The following BORCS6 variants were observed in gnomAD, a reference collection of about 807,000 sequenced individuals.
BORCS6 encodes the protein BLOC-1-related complex subunit 6.
BORCS6 carries 12 observed loss-of-function variants against 17.0 expected under a neutral mutation model. The observed-to-expected ratio is 0.71, with a 90% CI of 0.45 to 1.15. BORCS6 has a LOEUF of 1.15. Among genes scored for constraint, BORCS6 ranks in the 50% most tolerant of loss-of-function variants. The probability of loss-of-function intolerance (pLI) is 0.00; values close to 1 mark genes in which losing one functional copy is unlikely to be tolerated. For synonymous variants in BORCS6, 262 were observed against 241.7 expected (o/e 1.08, Z -0.78); for missense variants, 513 against 515.0 (o/e 1.00, Z 0.04).
rs777445376 is a variant in BORCS6, at chr17:8,189,252, T to C, written c.889A>G (p.Ile297Val). The C allele has an allele frequency of 1.9e-6, 3 of 1,613,824 alleles. No homozygotes were observed. Among genetic ancestry groups the C allele is most frequent in the East Asian group, 2.2e-5 (1 of 44,882 alleles). Residue 297 changes from isoleucine to valine, a missense_variant, in exon 1 of 1, where the codon ATC becomes GTC. Physicochemically the swap from Ile to Val is conservative, Grantham distance 29. Transcript: ENST00000389017. The surrounding 1 kb of genome is among the most constrained non-coding windows in gnomAD (Gnocchi z 7.8). ...QELTALSVGC[I>V]QTYRDAVDSL... ...TCCACAGCATCGCGGTAGGTCTGGA[T>C]GCAACCCACGCTCAGCGCCGTCAGC...
At position 8,189,979 on chromosome 17, in the gene BORCS6, C is replaced by T. The variant is rs1360634411; in HGVS notation, c.162G>A (p.Ala54=). 9.0e-6 allele frequency: 14 copies of T among 1,549,794 alleles called. No homozygotes were observed. Among genetic ancestry groups the T allele is most frequent in the Non-Finnish European group, 1.2e-5 (14 of 1,146,802 alleles). ...TCGGGGACGTCCTGGGGTGGCGGTT[C>T]GCGCCCCCAACGTTCTCGGTCTCTT... ...GEEETENVGG[A]NRHPRTSPKT... Residue 54 remains alanine (A), a synonymous_variant, in exon 1 of 1, where the codon GCG becomes GCA. Coordinates refer to ENST00000389017, the MANE Select transcript of BORCS6 (RefSeq NM_017622.3). This position sits in a 1 kb window ranked among gnomAD's most constrained non-coding sequence, Gnocchi z 7.8.
Position 8,189,940 on chromosome 17 carries a change from G to A in BORCS6, c.201C>T (p.Cys67=). 6.5e-7 allele frequency: 1 copy of A among 1,549,150 alleles called. No homozygotes were observed. Among genetic ancestry groups the A allele is most frequent in the Non-Finnish European group, 8.7e-7 (1 of 1,146,748 alleles). Residue 67 remains cysteine (C), a synonymous_variant, in exon 1 of 1, where the codon TGC becomes TGT. Coordinates refer to ENST00000389017, the MANE Select transcript of BORCS6 (RefSeq NM_017622.3). The surrounding 1 kb of genome is among the most constrained non-coding windows in gnomAD (Gnocchi z 7.8). ...HPRTSPKTSS[C]GVVHRPEREA... is the part of the protein sequence containing the mutation. ...CCCGTTCCGGCCGGTGGACGACGCCGCAGCTTGACGTCTTCGGGGACGTCC... is the reference window on the plus strand; with the variant it reads ...CCCGTTCCGGCCGGTGGACGACGCCACAGCTTGACGTCTTCGGGGACGTCC...
Position 8,189,787 on chromosome 17 carries a change from G to C in BORCS6, c.354C>G (p.Gly118=). 1 of 1,598,008 alleles carries C rather than the reference G, an allele frequency of 6.3e-7. No individual in the cohort carries two copies. The highest frequency in any genetic ancestry group is 8.5e-7 in the Non-Finnish European group (1 of 1,177,706). The change falls in exon 1 of 1, where the codon GGC becomes GGG. Residue 118 remains glycine (G), a synonymous_variant. Transcript: ENST00000389017. The surrounding 1 kb of genome is among the most constrained non-coding windows in gnomAD (Gnocchi z 7.8). The part of the protein sequence containing the change: ...SRHKNPAPPE[G]KPSSGRDCRR... ...GGCAGTCCCTCCCGGAGGAGGGCTT[G>C]CCCTCGGGCGGCGCCGGGTTCTTGT...
In BORCS6 at chr17:8,189,085, C is replaced by G; in HGVS notation, c.1056G>C (p.Leu352Phe). ...CTCCTGGTCACTTGCACAGGGCCTC[C>G]AACACCTCCAGAGTACGTCGGATAT... The part of the protein sequence containing the change: ...VRDIRRTLEV[L>F]EALCK The change falls in exon 1 of 1, where the codon TTG (leucine) becomes TTC (phenylalanine). Residue 352 changes from leucine to phenylalanine, a missense_variant. Leu to Phe is a conservative substitution (Grantham distance 22). Coordinates refer to ENST00000389017, the MANE Select transcript of BORCS6 (RefSeq NM_017622.3). This position sits in a 1 kb window ranked among gnomAD's most constrained non-coding sequence, Gnocchi z 7.8. 6.2e-7 allele frequency: 1 copy of G among 1,614,124 alleles called. No homozygotes were observed. Among genetic ancestry groups the G allele is most frequent in the Non-Finnish European group, 8.5e-7 (1 of 1,180,028 alleles).
Position 8,188,938 on chromosome 17 carries a change from C to A in BORCS6, c.*129G>T. 2 of 1,392,134 alleles carry A rather than the reference C, an allele frequency of 1.4e-6. No homozygotes were observed. The highest frequency in any genetic ancestry group is 1.3e-5 in the South Asian group (1 of 77,490). The allele number at this position is 1,392,134 out of a possible 1,614,324, so 86.2% of individuals were successfully genotyped here. ...AGCGAGTGGGCACGGGCCAGCTGAACGCATCTGGAAGAGCCTCCAACACAC... is the reference window on the plus strand; with the variant it reads ...AGCGAGTGGGCACGGGCCAGCTGAAAGCATCTGGAAGAGCCTCCAACACAC... On this transcript the variant is annotated 3_prime_UTR_variant, in exon 1 of 1. Transcript: ENST00000389017.
In BORCS6 at chr17:8,189,604, G is replaced by T. The variant is rs961464866; in HGVS notation, c.537C>A (p.Ala179=). 9.4e-6 allele frequency: 15 copies of T among 1,596,854 alleles called. 1 individual carries two copies. The highest frequency in any genetic ancestry group is 1.2e-5 in the Non-Finnish European group (14 of 1,176,202). ...CGGACTCGGCACTCCCTGAGGACCC[G>T]GCGCCACCGCACGCCTCGCTCAGCC... The part of the protein sequence containing the change: ...LDGLSEACGG[A]GSSGSAESGA... Residue 179 remains alanine, a synonymous_variant, in exon 1 of 1, where the codon GCC becomes GCA. Coordinates refer to ENST00000389017, the MANE Select transcript of BORCS6 (RefSeq NM_017622.3). The surrounding 1 kb of genome is among the most constrained non-coding windows in gnomAD (Gnocchi z 7.8).
Position 8,189,259 on chromosome 17 carries a change from C to T in BORCS6, c.882G>A (p.Val294=), listed in dbSNP as rs770996744. 11 of 1,613,840 alleles carry T rather than the reference C, an allele frequency of 6.8e-6. No individual in the cohort carries two copies. The highest frequency in any genetic ancestry group is 9.3e-6 in the Non-Finnish European group (11 of 1,179,996). The change falls in exon 1 of 1, where the codon GTG becomes GTA. Residue 294 remains valine, a synonymous_variant. Coordinates refer to ENST00000389017, the MANE Select transcript of BORCS6 (RefSeq NM_017622.3). The surrounding 1 kb of genome is among the most constrained non-coding windows in gnomAD (Gnocchi z 7.8). The part of the protein sequence containing the change: ...GAVQELTALS[V]GCIQTYRDAV... ...CATCGCGGTAGGTCTGGATGCAACC[C>T]ACGCTCAGCGCCGTCAGCTCCTGCA...
rs182319629 is a variant in BORCS6 at position 8,188,519 on chromosome 17, G to C, written c.*548C>G. ...AACCCATTCCTCCTAGCTGCACGCCGGTTCTGGCTGGGGAAGTGGTATGGT... is the reference window on the plus strand; with the variant it reads ...AACCCATTCCTCCTAGCTGCACGCCCGTTCTGGCTGGGGAAGTGGTATGGT... On this transcript the variant is annotated 3_prime_UTR_variant, in exon 1 of 1. Transcript: ENST00000389017. The C allele has an allele frequency of 3.4e-4, 57 of 166,046 alleles. 1 individual carries two copies. Among genetic ancestry groups the C allele is most frequent in the Admixed American group, 2.1e-3 (34 of 16,386 alleles). 10.3% of individuals were successfully genotyped at this position (166,046 alleles called of 1,614,324 possible).
At position 8,189,520 on chromosome 17, in the gene BORCS6, C is replaced by T. The variant is rs1225278326; in HGVS notation, c.621G>A (p.Val207=). The change falls in exon 1 of 1, where the codon GTG becomes GTA. Residue 207 remains valine (V), a synonymous_variant. Transcript: ENST00000389017. The surrounding 1 kb of genome is among the most constrained non-coding windows in gnomAD (Gnocchi z 7.8). ...AGTGGGTAAGGTCGCCGTGGCGGCTCACTGTGCCTTCGAGCTCCAGGGGAC... is the reference window on the plus strand; with the variant it reads ...AGTGGGTAAGGTCGCCGTGGCGGCTTACTGTGCCTTCGAGCTCCAGGGGAC... ...ISSPLELEGT[V]SRHGDLTHFV... 15 of 1,575,710 alleles carry T rather than the reference C, an allele frequency of 9.5e-6. No homozygotes were observed. The highest frequency in any genetic ancestry group is 3.9e-5 in the Admixed American group (2 of 51,702).
Position 8,189,422 on chromosome 17 carries a change from CGCGCAGGG to C in BORCS6, c.711_718del (p.Pro238AlafsTer69). The C allele has an allele frequency of 6.4e-7, 1 of 1,570,328 alleles. No homozygotes were observed. The highest frequency in any genetic ancestry group is 8.6e-7 in the Non-Finnish European group (1 of 1,158,184). On this transcript the variant is annotated frameshift_variant, in exon 1 of 1. Transcript: ENST00000389017. LOFTEE classifies it high-confidence loss of function. This position sits in a 1 kb window ranked among gnomAD's most constrained non-coding sequence, Gnocchi z 7.8. ...TGTGGGTGCAGGCGCTGGGCAGGGC[CGCGCAGGG>C]GCAGAAGGCGGGGGTGGAGGCGCGC...
In BORCS6 at chr17:8,188,807, GGAA is replaced by G. The variant is rs1984559327; in HGVS notation, c.*257_*259del. The G allele has an allele frequency of 1.8e-6, 1 of 550,198 alleles. No individual in the cohort carries two copies. The highest frequency in any genetic ancestry group is 3.2e-5 in the East Asian group (1 of 31,318). 34.1% of individuals were successfully genotyped at this position (550,198 alleles called of 1,614,324 possible). The stretch of plus-strand genomic sequence containing the variant: ...GTGCTCTAGCTAGGGAGGAGAGTTG[GGAA>G]GAACAGGGTAGCTACAGATGGCCAA... On this transcript the variant is annotated 3_prime_UTR_variant, in exon 1 of 1. Coordinates refer to ENST00000389017, the MANE Select transcript of BORCS6 (RefSeq NM_017622.3).
chr17:8,189,815 C>A lies in BORCS6; in HGVS notation c.326G>T (p.Arg109Leu). 1 of 1,583,636 alleles carries A rather than the reference C, an allele frequency of 6.3e-7. No homozygotes were observed. The stretch of plus-strand genomic sequence containing the variant: ...CTCGGGCGGCGCCGGGTTCTTGTGC[C>A]GGGAGGACAGGGAAGGTTCGTGCTC... ...GAEHEPSLSSRHKNPAPPEGK... is the reference protein window; with the variant it reads ...GAEHEPSLSSLHKNPAPPEGK... Residue 109 changes from arginine to leucine, a missense_variant, in exon 1 of 1, where the codon CGG becomes CTG. Transcript: ENST00000389017. The surrounding 1 kb of genome is among the most constrained non-coding windows in gnomAD (Gnocchi z 7.8).
In BORCS6 at chr17:8,188,943, C is replaced by G; in HGVS notation, c.*124G>C. 1 of 1,446,862 alleles carries G rather than the reference C, an allele frequency of 6.9e-7. No homozygotes were observed. Among genetic ancestry groups the G allele is most frequent in the Non-Finnish European group, 9.4e-7 (1 of 1,067,882 alleles). The allele number at this position is 1,446,862 out of a possible 1,614,324, so 89.6% of individuals were successfully genotyped here. A position where few individuals can be genotyped will look rare whatever the true frequency, so the allele number is the denominator to read the frequency against. On this transcript the variant is annotated 3_prime_UTR_variant, in exon 1 of 1. Transcript: ENST00000389017. Reference sequence around the variant, plus strand: ...GTGGGCACGGGCCAGCTGAACGCATCTGGAAGAGCCTCCAACACACAGGCC... The same window carrying G: ...GTGGGCACGGGCCAGCTGAACGCATGTGGAAGAGCCTCCAACACACAGGCC...
Position 8,189,756 on chromosome 17 carries a change from C to G in BORCS6, c.385G>C (p.Gly129Arg), listed in dbSNP as rs767230907. The G allele has an allele frequency of 1.2e-6, 2 of 1,600,028 alleles. No homozygotes were observed. The highest frequency in any genetic ancestry group is 1.7e-6 in the Non-Finnish European group (2 of 1,179,544). Residue 129 changes from glycine (G) to arginine (R), a missense_variant, in exon 1 of 1, where the codon GGG becomes CGG. Gly to Arg is a moderately radical substitution (Grantham distance 125). Coordinates refer to ENST00000389017, the MANE Select transcript of BORCS6 (RefSeq NM_017622.3). The surrounding 1 kb of genome is among the most constrained non-coding windows in gnomAD (Gnocchi z 7.8). ...KPSSGRDCRR[G>R]GPGGGMDVEQ... ...ACATCCATCCCGCCGCCTGGTCCCC[C>G]TCGACGGCAGTCCCTCCCGGAGGAG...
rs1422132608 is a variant in BORCS6, at chr17:8,189,642, G to A, written c.499C>T (p.Arg167Cys). 1 of 1,599,088 alleles carries A rather than the reference G, an allele frequency of 6.3e-7. No homozygotes were observed. Among genetic ancestry groups the A allele is most frequent in the Non-Finnish European group, 8.5e-7 (1 of 1,179,226 alleles). Residue 167 changes from arginine (R) to cysteine (C), a missense_variant, in exon 1 of 1, where the codon CGC (arginine) becomes TGC (cysteine). Physicochemically the swap from Arg to Cys is radical, Grantham distance 180. Coordinates refer to ENST00000389017, the MANE Select transcript of BORCS6 (RefSeq NM_017622.3). The surrounding 1 kb of genome is among the most constrained non-coding windows in gnomAD (Gnocchi z 7.8). ...GCCTCGCTCAGCCCGTCCAGGCTGC[G>A]GCTGTCCTGAAGACGGCTGGAGAAC... ...RSFSSRLQDS[R>C]SLDGLSEACG... is the part of the protein sequence containing the mutation.
In BORCS6 at chr17:8,189,389, G is replaced by A. The variant is rs1298068573; in HGVS notation, c.752C>T (p.Pro251Leu). 6.3e-7 allele frequency: 1 copy of A among 1,589,058 alleles called. No individual in the cohort carries two copies. The highest frequency in any genetic ancestry group is 2.3e-5 in the East Asian group (1 of 43,600). The part of the protein sequence containing the change: ...PCPAPAPTPT[P>L]AIPPIDPEVL... ...CTCGGGGTCGATTGGGGGAATGGCC[G>A]GTGTGGGTGTGGGTGCAGGCGCTGG... The change falls in exon 1 of 1, where the codon CCG becomes CTG. Residue 251 changes from proline (P) to leucine (L), a missense_variant. Pro to Leu is a moderately conservative substitution (Grantham distance 98). Coordinates refer to ENST00000389017, the MANE Select transcript of BORCS6 (RefSeq NM_017622.3). The surrounding 1 kb of genome is among the most constrained non-coding windows in gnomAD (Gnocchi z 7.8).
At position 8,189,684 on chromosome 17, in the gene BORCS6, T is replaced by C; in HGVS notation, c.457A>G (p.Ser153Gly). 2 of 1,598,570 alleles carry C rather than the reference T, an allele frequency of 1.3e-6. No individual in the cohort carries two copies. The highest frequency in any genetic ancestry group is 1.1e-5 in the South Asian group (1 of 91,076). Residue 153 changes from serine to glycine, a missense_variant, in exon 1 of 1, where the codon AGC becomes GGC. Transcript: ENST00000389017. This position sits in a 1 kb window ranked among gnomAD's most constrained non-coding sequence, Gnocchi z 7.8. ...EDNDEEAAAG[S>G]RAGRSFSSRL... is the part of the protein sequence containing the mutation. ...CTGGAGAACGAGCGGCCGGCTCTGC[T>C]GCCCGCGGCCGCCTCCTCGTCGTTG... is the stretch of plus-strand genomic sequence containing the variant.
In BORCS6 at chr17:8,189,628, C is replaced by A. The variant is rs764588324; in HGVS notation, c.513G>T (p.Gly171=). ...SRLQDSRSLD[G]LSEACGGAGS... ...CGGCGCCACCGCACGCCTCGCTCAG[C>A]CCGTCCAGGCTGCGGCTGTCCTGAA... Residue 171 remains glycine, a synonymous_variant, in exon 1 of 1, where the codon GGG becomes GGT. Coordinates refer to ENST00000389017, the MANE Select transcript of BORCS6 (RefSeq NM_017622.3). This position sits in a 1 kb window ranked among gnomAD's most constrained non-coding sequence, Gnocchi z 7.8. 2 of 1,598,722 alleles carry A rather than the reference C, an allele frequency of 1.3e-6. No individual in the cohort carries two copies. Among genetic ancestry groups the A allele is most frequent in the Non-Finnish European group, 1.7e-6 (2 of 1,178,544 alleles).
Position 8,189,696 on chromosome 17 carries a change from C to T in BORCS6, c.445G>A (p.Ala149Thr), listed in dbSNP as rs778798504. ...CGGCCGGCTCTGCTGCCCGCGGCCG[C>T]CTCCTCGTCGTTGTCTTCCTCCTCC... ...QQEEEDNDEE[A>T]AAGSRAGRSF... Residue 149 changes from alanine to threonine, a missense_variant, in exon 1 of 1, where the codon GCG becomes ACG. Physicochemically the swap from Ala to Thr is moderately conservative, Grantham distance 58. Transcript: ENST00000389017. The surrounding 1 kb of genome is among the most constrained non-coding windows in gnomAD (Gnocchi z 7.8). 2 of 1,598,706 alleles carry T rather than the reference C, an allele frequency of 1.3e-6. No homozygotes were observed. Among genetic ancestry groups the T allele is most frequent in the South Asian group, 1.1e-5 (1 of 91,082 alleles).
Sources: gnomAD v4.1 joint callset for allele counts on GRCh38, gnomAD v4.1.1 for gene constraint, Gnocchi (gnomAD v3.1) non-coding constraint, MANE v1.5 for transcripts, NCBI Gene and HGNC (gene_info 2026-07-23, HGNC 2026-07-21) for gene names.